Variants in PEG3 observed in about 807,000 individuals in gnomAD.
PEG3 encodes paternally expressed 3, also known as paternally-expressed gene 3 protein.
Under a neutral mutation model 35.5 loss-of-function variants are expected in PEG3, and 23 were observed. The observed-to-expected ratio is 0.65, with a 90% CI of 0.47 to 0.92. The LOEUF (loss-of-function observed/expected upper bound fraction) is 0.92, where lower values mean the gene tolerates loss of function less well. PEG3 is among the 40% of genes least tolerant of loss of function. The pLI is 0.00. For missense variants in PEG3, 1,960 were observed against 1,985.3 expected (o/e 0.99, Z 0.24); for synonymous variants, 707 against 697.0 (o/e 1.01, Z -0.23).
Position 56,816,888 on chromosome 19 carries a change from G to A in PEG3, c.1554C>T (p.Ala518=), listed in dbSNP as rs376939633. The change falls in exon 10 of 10, where the codon GCC becomes GCT. Residue 518 remains alanine, a synonymous_variant. Transcript: ENST00000326441. ...GAATCTTCCGATGTTCAGCCAAGGC[G>A]GCACTCTTATTGAAGGTCTCTCCAC... ...KDCGETFNKS[A]ALAEHRKIHA... is the part of the protein sequence containing the mutation. 108 of 1,614,084 alleles carry A rather than the reference G, an allele frequency of 6.7e-5. No homozygotes were observed. Among genetic ancestry groups the A allele is most frequent in the Non-Finnish European group, 8.1e-5 (96 of 1,179,982 alleles).
intron 3 of PEG3, among the ~76,000 whole-genome samples, chr19:56,825,922 T>G (rs1216968625): frequency 6.6e-6 from 1 of 152,198 alleles, no homozygotes; most frequent in Non-Finnish European, 1.5e-5. Flanking sequence ...AACTCATGTT[T>G]ACTCGTCTCA....
chr19:56,823,776 C>T, intron 4 of PEG3, 97 bp from the exon 5 acceptor site: 3 of 1,400,376 alleles, frequency 2.1e-6, no homozygotes, highest in Non-Finnish European at 3.0e-6. Flanking sequence ...CACAGACACA[C>T]ATGGTTGGAA....
At chr19:56,825,758 T>C (rs1005789253) in intron 3 of PEG3, among the ~76,000 whole-genome samples, 6 of 152,188 alleles carry the variant, frequency 3.9e-5, no homozygotes, top group Non-Finnish European at 5.9e-5. Context: ...AAAAAAACCA[T>C]ATGCAACAGA....
intron 2 of PEG3, among the ~76,000 whole-genome samples, 188 bp from the exon 3 acceptor site, chr19:56,826,651 T>C (rs2061064907): frequency 6.6e-6 from 1 of 152,162 alleles, no homozygotes; most frequent in African/African-American, 2.4e-5. Flanking sequence ...ATAAAAAGCT[T>C]TCAAACTGTC....
intron 8 of PEG3, 82 bp from the exon 9 acceptor site, chr19:56,817,917 C>A: frequency 9.1e-7 from 1 of 1,094,036 alleles, no homozygotes; most frequent in South Asian, 1.4e-5. Flanking sequence ...CTTCATCTTT[C>A]ACTGAGCCAC....
At position 56,815,804 on chromosome 19, in the gene PEG3, T is replaced by C; in HGVS notation, c.2638A>G (p.Asn880Asp). 6.2e-7 allele frequency: 1 copy of C among 1,613,664 alleles called. No individual in the cohort carries two copies. Among genetic ancestry groups the C allele is most frequent in the Non-Finnish European group, 8.5e-7 (1 of 1,179,656 alleles). The change falls in exon 10 of 10, where the codon AAC (asparagine) becomes GAC (aspartate). Residue 880 changes from asparagine (N) to aspartate (D), a missense_variant. Coordinates refer to ENST00000326441, the MANE Select transcript of PEG3 (RefSeq NM_006210.3). ...TTCTTACTGCCCCCTTCACAAGGGTTCTCTCTGGCAGGAATCTTCTGTCGC... is the reference window on the plus strand; with the variant it reads ...TTCTTACTGCCCCCTTCACAAGGGTCCTCTCTGGCAGGAATCTTCTGTCGC... ...DKRQKIPARE[N>D]PCEGGSKNRN...
rs572040017 is a variant in PEG3 at position 56,812,473 on chromosome 19, G to T, written c.*1202C>A. The T allele has an allele frequency of 1.0e-6, 1 of 984,344 alleles. No individual in the cohort carries two copies. The highest frequency in any genetic ancestry group is 1.2e-6 in the Non-Finnish European group (1 of 828,974). The allele number at this position is 984,344 out of a possible 1,614,324, so 61.0% of individuals were successfully genotyped here. Reference sequence around the variant, plus strand: ...GGAGTTAGAGGGTCAGATAAATAACGAAGAGAATTAAGTTAGCGATAGAAA... The same window carrying T: ...GGAGTTAGAGGGTCAGATAAATAACTAAGAGAATTAAGTTAGCGATAGAAA... On this transcript the variant is annotated 3_prime_UTR_variant, in exon 10 of 10. Coordinates refer to ENST00000326441, the MANE Select transcript of PEG3 (RefSeq NM_006210.3).
At chr19:56,817,974 T>C in intron 8 of PEG3, 139 bp from the exon 9 acceptor site, 1 of 663,586 alleles carries the variant, frequency 1.5e-6, no homozygotes, top group Admixed American at 2.4e-5. Context: ...TCAGAAGACA[T>C]TTGCTGTCTC....
At position 56,810,584 on chromosome 19, in the gene PEG3, G is replaced by C; in HGVS notation, c.*3091C>G. ...TATGAGTATGTATTATATTTGTAAT[G>C]GAAAATACATACATAAAATTTATTA... is the stretch of plus-strand genomic sequence containing the variant. On this transcript the variant is annotated 3_prime_UTR_variant, in exon 10 of 10. Transcript: ENST00000326441. 1 of 926,994 alleles carries C rather than the reference G, an allele frequency of 1.1e-6. No homozygotes were observed. The highest frequency in any genetic ancestry group is 1.3e-6 in the Non-Finnish European group (1 of 776,864). 57.4% of individuals were successfully genotyped at this position (926,994 alleles called of 1,614,324 possible).
intron 3 of PEG3, among the ~76,000 whole-genome samples, chr19:56,826,174 G>T (rs1007149931): frequency 2.0e-5 from 3 of 152,200 alleles, no homozygotes; most frequent in African/African-American, 7.2e-5. Context: ...AGACCAGAGA[G>T]TCCAGGCTCC....
intron 5 of PEG3, among the ~76,000 whole-genome samples, chr19:56,823,317 G>T (rs1012830475): frequency 6.6e-6 from 1 of 152,192 alleles, no homozygotes; most frequent in Admixed American, 6.5e-5. Context: ...GAGGAGGCTG[G>T]GGGTACAGCT....
Position 56,817,846 on chromosome 19 carries a change from C to A in PEG3, c.773-11G>T. The A allele has an allele frequency of 5.0e-6, 8 of 1,611,550 alleles. No individual in the cohort carries two copies. Among genetic ancestry groups the A allele is most frequent in the Non-Finnish European group, 6.8e-6 (8 of 1,178,036 alleles). ...CTTCAGCAAGCTGCACTCCTGGTCA[C>A]AAGGACAATATGATGCCTCAAATTC... On this transcript the variant is annotated splice_polypyrimidine_tract_variant and intron_variant, in intron 8 of 9. Transcript: ENST00000326441.
At chr19:56,839,117 C>T (rs1252394419) in intron 1 of PEG3, among the ~76,000 whole-genome samples, 2 of 151,760 alleles carry the variant, frequency 1.3e-5, no homozygotes, top group Admixed American at 1.3e-4. Flanking sequence ...AAATCTCAAG[C>T]ACTTTCATTA....
chr19:56,821,865 GT>G, intron 6 of PEG3, 111 bp from the exon 7 acceptor site: 1 of 1,169,058 alleles, frequency 8.6e-7, no homozygotes, highest in Non-Finnish European at 1.2e-6. Flanking sequence ...ATGAGAGCAA[GT>G]GCCTTTCTCT....
intron 2 of PEG3, among the ~76,000 whole-genome samples, chr19:56,830,806 G>A (rs889457384): frequency 6.6e-6 from 1 of 152,110 alleles, no homozygotes; most frequent in Non-Finnish European, 1.5e-5. Flanking sequence ...GTGGTGGCAT[G>A]AGCCTGTAAT....
intron 2 of PEG3, among the ~76,000 whole-genome samples, chr19:56,832,267 C>T (rs1279514632): frequency 1.3e-5 from 2 of 152,180 alleles, no homozygotes; most frequent in East Asian, 3.8e-4. Context: ...TCAGGCCCTG[C>T]CCTTTCTCTG....
At chr19:56,819,033 T>G (rs911748008) in intron 7 of PEG3, among the ~76,000 whole-genome samples, 1 of 152,188 alleles carries the variant, frequency 6.6e-6, no homozygotes, top group African/African-American at 2.4e-5. Flanking sequence ...AAACGGGTTT[T>G]GTAGAGGGAC....
chr19:56,834,436 ATGG>A (rs1344778937), intron 2 of PEG3, among the ~76,000 whole-genome samples: 1 of 152,114 alleles, frequency 6.6e-6, no homozygotes, highest in Non-Finnish European at 1.5e-5. Flanking sequence ...CCTTCTCATT[ATGG>A]TTGTGTTTCC....
intron 8 of PEG3, 112 bp downstream of exon 8, chr19:56,818,488 C>T: frequency 8.8e-7 from 1 of 1,141,504 alleles, no homozygotes; most frequent in Admixed American, 2.5e-5. Flanking sequence ...TCTTATTACC[C>T]TTGAAGTCCA....
Sources: gnomAD v4.1 joint callset for allele counts (sites outside exome capture counted in the v4.1 genomes callset) on GRCh38, gnomAD v4.1.1 for gene constraint, MANE v1.5 for transcripts, NCBI Gene and HGNC (gene_info 2026-07-23, HGNC 2026-07-21) for gene names.